The following RPE variants were observed in gnomAD, a reference collection of about 807,000 sequenced individuals.
The protein encoded by RPE is ribulose-phosphate 3-epimerase.
Under a neutral mutation model 24.6 loss-of-function variants are expected in RPE, and 16 were observed. The ratio of observed to expected loss-of-function variants is 0.65; its 90% CI spans 0.44 to 0.99. The LOEUF is 0.99. RPE is among the 50% of genes least tolerant of loss of function. The probability of loss-of-function intolerance (pLI) is 0.00; values close to 1 mark genes in which losing one functional copy is unlikely to be tolerated. For synonymous variants in RPE, 93 were observed against 98.4 expected, an observed-to-expected ratio of 0.94 and a Z score of 0.33; for missense variants, 240 against 294.5, an observed-to-expected ratio of 0.81 and a Z score of 1.35.
At chr2:210,003,991 C>T (rs1291817125) in intron 1 of RPE, among the ~76,000 whole-genome samples, 3 of 152,258 alleles carry the variant, frequency 2.0e-5, no homozygotes, top group East Asian at 1.9e-4. Flanking sequence ...GTAAATATTA[C>T]CTCTCACAAA....
rs1249943007 is a variant in RPE, at chr2:210,017,460, T to C, written c.478-13T>C. The C allele has an allele frequency of 1.1e-6, 1 of 934,376 alleles. No homozygotes were observed. The highest frequency in any genetic ancestry group is 4.9e-5 in the East Asian group (1 of 20,332). 57.9% of individuals were successfully genotyped at this position (934,376 alleles called of 1,614,324 possible). On this transcript the variant is annotated splice_polypyrimidine_tract_variant and intron_variant, in intron 4 of 5. Coordinates refer to ENST00000359429, the MANE Select transcript of RPE (RefSeq NM_199229.3). ...ACTTTAGGAGTTACTTATTTCCTCA[T>C]GTATATATCTAGGTTCACTGGTTGA... is the stretch of plus-strand genomic sequence containing the variant.
rs2093859809 is a variant in RPE at position 210,021,768 on chromosome 2, C to A, written c.*1977C>A. ...AGTTATATAAATTGTCCTCAACTTT[C>A]ACATAGGAAAAAAATGGTTTAATAG... On this transcript the variant is annotated 3_prime_UTR_variant, in exon 6 of 6. Transcript: ENST00000359429. 1 of 151,758 alleles carries A rather than the reference C, an allele frequency of 6.6e-6. No individual in the cohort carries two copies. 9.4% of individuals were successfully genotyped at this position (151,758 alleles called of 1,614,324 possible). A position where few individuals can be genotyped will look rare whatever the true frequency, so the allele number is the denominator to read the frequency against.
chr2:210,004,072 G>A (rs2093598733), intron 1 of RPE, among the ~76,000 whole-genome samples: 1 of 152,112 alleles, frequency 6.6e-6, no homozygotes, highest in African/African-American at 2.4e-5. Context: ...TTGCTTGAAA[G>A]CCCTAAACTG....
At chr2:210,008,709 G>A (rs1038658958) in intron 1 of RPE, among the ~76,000 whole-genome samples, 1 of 150,742 alleles carries the variant, frequency 6.6e-6, no homozygotes, top group South Asian at 2.1e-4. Flanking sequence ...TTTTGTTTTC[G>A]TTTTTGAGGT....
At chr2:210,017,879 G>C (rs1289595763) in intron 5 of RPE, 2 of 549,492 alleles carry the variant, frequency 3.6e-6, no homozygotes, top group African/African-American at 3.9e-5. Context: ...TGAGTAGCTG[G>C]GATTACAGGT....
intron 1 of RPE, among the ~76,000 whole-genome samples, chr2:210,006,693 A>G (rs1188031010): frequency 4.6e-5 from 7 of 152,224 alleles, no homozygotes; most frequent in Non-Finnish European, 7.3e-5. Context: ...CAGTATGTGA[A>G]ATTCAGATCT....
chr2:210,010,462 C>G (rs1040983286), intron 2 of RPE, among the ~76,000 whole-genome samples: 4 of 151,802 alleles, frequency 2.6e-5, no homozygotes, highest in African/African-American at 9.7e-5. Context: ...CTGAGTTTCG[C>G]CATGTTTCCC....
At chr2:210,007,123 T>A (rs1277620719) in intron 1 of RPE, among the ~76,000 whole-genome samples, 1 of 152,232 alleles carries the variant, frequency 6.6e-6, no homozygotes, top group Non-Finnish European at 1.5e-5. Context: ...CTGTTCCTCA[T>A]CTGTAAAATA....
chr2:210,018,211 G>A (rs748575897), intron 5 of RPE: 168 of 1,533,276 alleles, frequency 1.1e-4, no homozygotes, highest in Non-Finnish European at 1.4e-4. Context: ...TCCAAAATAC[G>A]GAATTAAAAG....
At chr2:210,016,428 C>G in intron 3 of RPE, 79 bp from the exon 4 acceptor site, 1 of 1,596,046 alleles carries the variant, frequency 6.3e-7, no homozygotes, top group Non-Finnish European at 8.5e-7. Flanking sequence ...ACAGATATTT[C>G]TACTGGGCCT....
At chr2:210,016,690 T>C (rs1303709041) in intron 4 of RPE, 49 bp downstream of exon 4, 3 of 1,611,736 alleles carry the variant, frequency 1.9e-6, no homozygotes. Flanking sequence ...GTGTGTTCAT[T>C]CAGTAAGCAT....
chr2:210,017,424 CCAA>C (rs1365183416), intron 4 of RPE, 46 bp from the exon 5 acceptor site: 1 of 1,081,356 alleles, frequency 9.2e-7, no homozygotes, highest in Non-Finnish European at 1.4e-6. Flanking sequence ...CCCACCCCCA[CCAA>C]CATACCCACT....
intron 1 of RPE, among the ~76,000 whole-genome samples, chr2:210,006,499 C>T (rs192013699): frequency 1.3e-5 from 2 of 152,092 alleles, no homozygotes; most frequent in African/African-American, 4.8e-5. Flanking sequence ...AATTAAGTCA[C>T]GTAACTTTGG....
chr2:210,019,391 A>G (rs2093825502), intron 5 of RPE, among the ~76,000 whole-genome samples: 2 of 152,234 alleles, frequency 1.3e-5, no homozygotes, highest in South Asian at 4.1e-4. Context: ...AACCTTATCT[A>G]AAGGTCGCAA....
At chr2:210,017,735 T>TCA (rs2093795589) in intron 5 of RPE, 176 bp downstream of exon 5, 12 of 409,656 alleles carry the variant, frequency 2.9e-5, no homozygotes, top group Non-Finnish European at 3.7e-5. Context: ...TGGATATGCT[T>TCA]TTTTTTTTTT....
In RPE at chr2:210,016,590, A is replaced by G. The variant is rs2093775475; in HGVS notation, c.426A>G (p.Thr142=). The G allele has an allele frequency of 1.9e-6, 3 of 1,614,246 alleles. No individual in the cohort carries two copies. Among genetic ancestry groups the G allele is most frequent in the South Asian group, 1.1e-5 (1 of 91,092 alleles). Reference sequence around the variant, plus strand: ...AGATAGATATGGCCTTGGTTATGACAGTGGAACCGGGGTTTGGAGGGCAGA... The same window carrying G: ...AGATAGATATGGCCTTGGTTATGACGGTGGAACCGGGGTTTGGAGGGCAGA... ...ANQIDMALVM[T]VEPGFGGQKF... The change falls in exon 4 of 6, where the codon ACA becomes ACG. Residue 142 remains threonine (T), a synonymous_variant. Coordinates refer to ENST00000359429, the MANE Select transcript of RPE (RefSeq NM_199229.3).
chr2:210,014,291 G>T (rs371923859), intron 2 of RPE, among the ~76,000 whole-genome samples: 25 of 151,492 alleles, frequency 1.7e-4, no homozygotes, highest in Non-Finnish European at 1.5e-5. Flanking sequence ...GGGTTTCACC[G>T]TGTTAGCCAG....
intron 4 of RPE, among the ~76,000 whole-genome samples, chr2:210,017,137 G>A (rs1002342921): frequency 2.6e-5 from 4 of 152,128 alleles, no homozygotes; most frequent in South Asian, 2.1e-4. Flanking sequence ...AGCCAACCAC[G>A]CCTGGAAGTC....
At chr2:210,017,328 G>C (rs2093786366) in intron 4 of RPE, 145 bp from the exon 5 acceptor site, 2 of 650,186 alleles carry the variant, frequency 3.1e-6, no homozygotes, top group South Asian at 2.0e-5. Flanking sequence ...GTAATATGTT[G>C]TATTGGTATA....
Sources: gnomAD v4.1 joint callset for allele counts (sites outside exome capture counted in the v4.1 genomes callset) on GRCh38, gnomAD v4.1.1 for gene constraint, MANE v1.5 for transcripts, NCBI Gene and HGNC (gene_info 2026-07-23, HGNC 2026-07-21) for gene names.